SELENOI: variants seen among roughly 807,000 people sequenced by gnomAD.
The protein encoded by SELENOI is ethanolaminephosphotransferase 1.
In SELENOI, 24 loss-of-function variants were observed where a neutral mutation model predicts 50.7. That is an observed-to-expected ratio of 0.47 (90% confidence interval 0.34 to 0.67). The LOEUF (loss-of-function observed/expected upper bound fraction) is 0.67, where lower values mean the gene tolerates loss of function less well. Among genes scored for constraint, SELENOI ranks in the 30% least tolerant of loss-of-function variants. The probability of loss-of-function intolerance (pLI) is 0.01; values close to 1 mark genes in which losing one functional copy is unlikely to be tolerated. For synonymous variants in SELENOI, 155 were observed against 170.2 expected (o/e 0.91, Z 0.70); for missense variants, 352 against 461.4 (o/e 0.76, Z 2.17).
intron 4 of SELENOI, among the ~76,000 whole-genome samples, chr2:26,371,868 G>A (rs1677460544): frequency 6.7e-6 from 1 of 149,684 alleles, no homozygotes; most frequent in South Asian, 2.1e-4. Flanking sequence ...GGAAACCATG[G>A]GGAGAGGGAG....
intron 6 of SELENOI, among the ~76,000 whole-genome samples, chr2:26,382,874 T>A (rs1014506101): frequency 6.6e-6 from 1 of 152,092 alleles, no homozygotes; most frequent in South Asian, 2.1e-4. Flanking sequence ...AGCAACAGGA[T>A]TCCCCCTTTG....
At chr2:26,383,565 G>T (rs926469322) in intron 7 of SELENOI, among the ~76,000 whole-genome samples, 4 of 152,052 alleles carry the variant, frequency 2.6e-5, no homozygotes, top group African/African-American at 9.7e-5. Flanking sequence ...CTTTTGTTAC[G>T]GTTTTGGACT....
chr2:26,374,460 A>G (rs1677523453), intron 5 of SELENOI, among the ~76,000 whole-genome samples: 1 of 152,180 alleles, frequency 6.6e-6, no homozygotes, highest in African/African-American at 2.4e-5. Context: ...ATCATCTTAC[A>G]ACTTAACCAA....
Position 26,391,557 on chromosome 2 carries a change from AGCT to A in SELENOI, c.*2457_*2459del, listed in dbSNP as rs1212321877. On this transcript the variant is annotated 3_prime_UTR_variant, in exon 10 of 10. Coordinates refer to ENST00000260585, the MANE Select transcript of SELENOI (RefSeq NM_033505.4). ...CAGCCTTTCTCCCCAGCATACAGTG[AGCT>A]GCCTTTTGGGGAGCAATGCCATGAT... is the stretch of plus-strand genomic sequence containing the variant. The A allele has an allele frequency of 6.6e-6, 1 of 152,232 alleles. No individual in the cohort carries two copies. The highest frequency in any genetic ancestry group is 1.9e-4 in the East Asian group (1 of 5,206). The allele number at this position is 152,232 out of a possible 1,614,324, so 9.4% of individuals were successfully genotyped here. A position where few individuals can be genotyped will look rare whatever the true frequency, so the allele number is the denominator to read the frequency against.
At chr2:26,347,901 T>C (rs1049134132) in intron 1 of SELENOI, among the ~76,000 whole-genome samples, 2 of 152,308 alleles carry the variant, frequency 1.3e-5, no homozygotes, top group East Asian at 1.9e-4. Flanking sequence ...TTTTTTATTA[T>C]ATAAGTTCCT....
At chr2:26,375,294 T>C in intron 6 of SELENOI, 146 bp downstream of exon 6, 1 of 525,272 alleles carries the variant, frequency 1.9e-6, no homozygotes, top group Non-Finnish European at 3.4e-6. Context: ...GATTTCAGCC[T>C]AACCATTAAG....
Position 26,378,513 on chromosome 2 carries a change from A to G in SELENOI, c.682+3365A>G, listed in dbSNP as rs543897585. 1.8e-4 allele frequency among the ~76,000 whole-genome samples: 28 copies of G among 152,210 alleles called. No individual in the cohort carries two copies. In the South Asian group the frequency reaches 5.2e-3, roughly 28 times the overall value. On this transcript the variant is annotated intron_variant, in intron 6 of 9. Transcript: ENST00000260585. ...CCCTTCTGCATCTCTCTCTTCTACA[A>G]TATCCCCCACCCTGCTTTCTAGTTC...
chr2:26,358,238 A>C (rs1677103814), intron 1 of SELENOI, among the ~76,000 whole-genome samples: 1 of 152,112 alleles, frequency 6.6e-6, no homozygotes, highest in African/African-American at 2.4e-5. Context: ...CCCCATCTCT[A>C]CTAAAAATAC....
intron 4 of SELENOI, among the ~76,000 whole-genome samples, chr2:26,369,558 C>T (rs1400675508): frequency 6.6e-6 from 1 of 152,184 alleles, no homozygotes; most frequent in Non-Finnish European, 1.5e-5. Context: ...CACCTACCAC[C>T]AGTTTCTCAT....
intron 1 of SELENOI, among the ~76,000 whole-genome samples, chr2:26,361,072 G>T (rs2115882): frequency 6.6e-6 from 1 of 152,048 alleles, no homozygotes. Context: ...AAATTAGCTG[G>T]GCGTGGTGGT....
intron 6 of SELENOI, among the ~76,000 whole-genome samples, chr2:26,381,347 C>G (rs1677697287): frequency 6.6e-6 from 1 of 150,902 alleles, no homozygotes. Context: ...TCACTGTTCT[C>G]TACTTGAAAC....
chr2:26,382,978 G>T (rs1677739432), intron 6 of SELENOI, among the ~76,000 whole-genome samples: 1 of 152,118 alleles, frequency 6.6e-6, no homozygotes, highest in African/African-American at 2.4e-5. Context: ...GCTCTGTGGG[G>T]TTGGTACAAC....
chr2:26,385,289 T>A, intron 8 of SELENOI, 150 bp downstream of exon 8: 1 of 515,088 alleles, frequency 1.9e-6, no homozygotes, highest in Non-Finnish European at 3.1e-6. Context: ...CCTCAAAGAC[T>A]GAAATGCTGA....
intron 6 of SELENOI, among the ~76,000 whole-genome samples, chr2:26,378,835 A>T (rs1439246878): frequency 6.6e-6 from 1 of 152,218 alleles, no homozygotes; most frequent in Non-Finnish European, 1.5e-5. Context: ...TTTTAAAGCA[A>T]ATCCCAGATA....
chr2:26,356,384 C>G (rs1219092878), intron 1 of SELENOI, among the ~76,000 whole-genome samples: 1 of 152,088 alleles, frequency 6.6e-6, no homozygotes, highest in Non-Finnish European at 1.5e-5. Context: ...TTGTCCAGAG[C>G]TCAGTATTTA....
chr2:26,383,661 G>T (rs2147962070), intron 7 of SELENOI, among the ~76,000 whole-genome samples: 1 of 152,182 alleles, frequency 6.6e-6, no homozygotes, highest in South Asian at 2.1e-4. Flanking sequence ...GGCGGATCAC[G>T]AGGTCAGGTT....
intron 4 of SELENOI, among the ~76,000 whole-genome samples, chr2:26,372,853 A>G (rs953585092): frequency 6.6e-6 from 1 of 152,206 alleles, no homozygotes; most frequent in Non-Finnish European, 1.5e-5. Context: ...TAAACTTTGA[A>G]GAATTATATA....
intron 1 of SELENOI, among the ~76,000 whole-genome samples, chr2:26,349,317 T>TTG (rs1676900596): frequency 6.8e-6 from 1 of 146,098 alleles, no homozygotes; most frequent in Non-Finnish European, 1.5e-5. Flanking sequence ...TCTTTTTTTT[T>TTG]TTTTTTGAGA....
intron 7 of SELENOI, among the ~76,000 whole-genome samples, chr2:26,383,620 T>G (rs977386350): frequency 6.6e-6 from 1 of 152,192 alleles, no homozygotes; most frequent in Non-Finnish European, 1.5e-5. Flanking sequence ...GGCTCACACC[T>G]GTAATCCCAA....
Sources: gnomAD v4.1 joint callset for allele counts (sites outside exome capture counted in the v4.1 genomes callset) on GRCh38, gnomAD v4.1.1 for gene constraint, MANE v1.5 for transcripts, NCBI Gene and HGNC (gene_info 2026-07-23, HGNC 2026-07-21) for gene names.